Variants in GATB observed in about 807,000 individuals in gnomAD.
The protein encoded by GATB is glutamyl-tRNA(Gln) amidotransferase subunit B, mitochondrial.
GATB carries 39 observed loss-of-function variants against 62.3 expected under a neutral mutation model. The observed-to-expected ratio is 0.63, with a 90% CI of 0.48 to 0.82. The LOEUF is 0.82. Ranked by LOEUF, GATB falls within the 40% of genes least tolerant of loss-of-function variation. The probability of loss-of-function intolerance (pLI) is 0.00; values close to 1 mark genes in which losing one functional copy is unlikely to be tolerated. For synonymous variants in GATB, 276 were observed against 258.9 expected (o/e 1.07, Z -0.63); for missense variants, 670 against 684.0 (o/e 0.98, Z 0.23).
chr4:151,705,754 A>G (rs1336820502), intron 6 of GATB, among the ~76,000 whole-genome samples: 1 of 152,232 alleles, frequency 6.6e-6, no homozygotes, highest in Non-Finnish European at 1.5e-5. Context: ...AATGATTAAG[A>G]TCCAAGGACC....
intron 2 of GATB, among the ~76,000 whole-genome samples, chr4:151,726,504 T>C (rs1479273649): frequency 6.6e-6 from 1 of 152,196 alleles, no homozygotes; most frequent in Non-Finnish European, 1.5e-5. Flanking sequence ...ACCACATAAA[T>C]ATATATGTTC....
At chr4:151,702,260 T>C (rs1738621518) in intron 8 of GATB, among the ~76,000 whole-genome samples, 1 of 152,122 alleles carries the variant, frequency 6.6e-6, no homozygotes, top group African/African-American at 2.4e-5. Context: ...TAGCAGCATT[T>C]ACATAAATAA....
intron 10 of GATB, 104 bp from the exon 11 acceptor site, chr4:151,679,995 C>G (rs1195008103): frequency 4.4e-6 from 4 of 899,512 alleles, no homozygotes; most frequent in Non-Finnish European, 7.4e-6. Flanking sequence ...GGGTAAATAT[C>G]GGACCCACGC....
At chr4:151,699,763 A>T (rs1738561073) in intron 9 of GATB, among the ~76,000 whole-genome samples, 1 of 150,222 alleles carries the variant, frequency 6.7e-6, no homozygotes, top group Admixed American at 6.6e-5. Flanking sequence ...TCACTCTCTT[A>T]TGGAGACAGC....
In GATB at chr4:151,670,988, G is replaced by T; in HGVS notation, c.*186C>A. 1.5e-6 allele frequency: 1 copy of T among 660,870 alleles called. No individual in the cohort carries two copies. Among genetic ancestry groups the T allele is most frequent in the South Asian group, 2.2e-5 (1 of 45,564 alleles). The allele number at this position is 660,870 out of a possible 1,614,324, so 40.9% of individuals were successfully genotyped here. ...GCGGGGTGGCTGCTGGTCGGCTGTG[G>T]AGGCACCTCCAGGCACAGGGCCTAG... On this transcript the variant is annotated 3_prime_UTR_variant, in exon 13 of 13. Coordinates refer to ENST00000263985, the MANE Select transcript of GATB (RefSeq NM_004564.3).
rs1391916348 is a variant in GATB at position 151,708,033 on chromosome 4, C to T, written c.832G>A (p.Glu278Lys). 6.2e-7 allele frequency: 1 copy of T among 1,614,164 alleles called. No homozygotes were observed. Among genetic ancestry groups the T allele is most frequent in the South Asian group, 1.1e-5 (1 of 91,082 alleles). The stretch of plus-strand genomic sequence containing the variant: ...CTGATGCTGTTGAGATTCTTCACTT[C>T]CGTTCGAACGCCCAAAGGCTCCCCA... Reference protein sequence around the residue: ...HPGEPLGVRTEVKNLNSIRFL... With the variant: ...HPGEPLGVRTKVKNLNSIRFL... The change falls in exon 6 of 13, where the codon GAA (glutamate) becomes AAA (lysine). Residue 278 changes from glutamate (E) to lysine (K), a missense_variant. By Grantham distance (56) the Glu-to-Lys change is moderately conservative. Transcript: ENST00000263985.
chr4:151,679,953 G>T, intron 10 of GATB, 62 bp from the exon 11 acceptor site: 1 of 1,456,356 alleles, frequency 6.9e-7, no homozygotes, highest in Non-Finnish European at 9.6e-7. Flanking sequence ...TCCATGAATG[G>T]CTGTTCGGAA....
At chr4:151,748,174 A>T (rs960094041) in intron 2 of GATB, among the ~76,000 whole-genome samples, 1 of 152,230 alleles carries the variant, frequency 6.6e-6, no homozygotes, top group Non-Finnish European at 1.5e-5. Flanking sequence ...TTTAAAGTTC[A>T]TATGGAACCA....
chr4:151,677,894 CTT>C (rs1391707420), intron 11 of GATB: 4 of 152,064 alleles, frequency 2.6e-5, no homozygotes, highest in Non-Finnish European at 5.9e-5. Flanking sequence ...TACACCATAA[CTT>C]CAGTTTTTGA....
intron 11 of GATB, among the ~76,000 whole-genome samples, chr4:151,676,922 T>C (rs1738018608): frequency 6.6e-6 from 1 of 152,070 alleles, no homozygotes. Flanking sequence ...AGGAAGTGGG[T>C]GAGAGACAGG....
intron 10 of GATB, among the ~76,000 whole-genome samples, 195 bp downstream of exon 10, chr4:151,688,435 G>T (rs1295263991): frequency 1.3e-5 from 2 of 152,248 alleles, no homozygotes; most frequent in Admixed American, 6.5e-5. Context: ...CACAGTCACA[G>T]ATTTGAAGGA....
Position 151,701,393 on chromosome 4 carries a change from C to T in GATB, c.1133G>A (p.Ser378Asn), listed in dbSNP as rs201854084. 2.5e-6 allele frequency: 4 copies of T among 1,603,616 alleles called. No individual in the cohort carries two copies. The highest frequency in any genetic ancestry group is 2.2e-5 in the South Asian group (2 of 89,086). ...QIRETLPELP[S>N]VTREKLVQQY... ...TTGGACAAGCTTCTCTCGGGTCACA[C>T]TGGGGAGCTCCGGGAGTGTCTCCCG... Residue 378 changes from serine to asparagine, a missense_variant, in exon 9 of 13, where the codon AGT (serine) becomes AAT (asparagine). By Grantham distance (46) the Ser-to-Asn change is conservative. Coordinates refer to ENST00000263985, the MANE Select transcript of GATB (RefSeq NM_004564.3).
chr4:151,732,145 G>C (rs1739279687), intron 2 of GATB, among the ~76,000 whole-genome samples: 1 of 151,090 alleles, frequency 6.6e-6, no homozygotes, highest in African/African-American at 2.4e-5. Context: ...CAGGAGGTGG[G>C]GGGCGCCTCT....
At chr4:151,682,862 C>T (rs985624990) in intron 10 of GATB, among the ~76,000 whole-genome samples, 2 of 152,142 alleles carry the variant, frequency 1.3e-5, no homozygotes, top group Non-Finnish European at 2.9e-5. Context: ...TCACGGATTT[C>T]GCAGTGCCCC....
chr4:151,709,317 G>C (rs1465165907), intron 5 of GATB, among the ~76,000 whole-genome samples: 1 of 152,160 alleles, frequency 6.6e-6, no homozygotes, highest in East Asian at 1.9e-4. Flanking sequence ...AGAAAGGGAA[G>C]GGCTCGCCCA....
At chr4:151,742,709 G>T (rs919212525) in intron 2 of GATB, among the ~76,000 whole-genome samples, 6 of 152,116 alleles carry the variant, frequency 3.9e-5, no homozygotes, top group African/African-American at 1.4e-4. Context: ...GGAGCATCAG[G>T]CAAAAGCCAA....
At position 151,701,537 on chromosome 4, in the gene GATB, C is replaced by T. The variant is rs370882253; in HGVS notation, c.1008-19G>A. On this transcript the variant is annotated intron_variant, in intron 8 of 12. Transcript: ENST00000263985. ...CATGAACCTGGGCAGACAGAGGAGA[C>T]GGGACCTGAATCTGGAGTACTTGGA... is the stretch of plus-strand genomic sequence containing the variant. The T allele has an allele frequency of 2.8e-5, 40 of 1,438,474 alleles. No homozygotes were observed. The highest frequency in any genetic ancestry group is 7.3e-5 in the Admixed American group (3 of 41,084). The allele number at this position is 1,438,474 out of a possible 1,614,324, so 89.1% of individuals were successfully genotyped here.
intron 2 of GATB, among the ~76,000 whole-genome samples, chr4:151,754,488 C>A (rs1739784681): frequency 6.6e-6 from 1 of 152,102 alleles, no homozygotes; most frequent in African/African-American, 2.4e-5. Context: ...TATCTATCGT[C>A]TACCAAGTTC....
chr4:151,709,834 C>T (rs1738782710), intron 5 of GATB, among the ~76,000 whole-genome samples: 1 of 152,164 alleles, frequency 6.6e-6, no homozygotes, highest in Non-Finnish European at 1.5e-5. Context: ...ACAGCTCCTA[C>T]CGGATTATCT....
Sources: allele counts gnomAD v4.1 joint callset (sites outside exome capture counted in the v4.1 genomes callset), GRCh38; gene constraint gnomAD v4.1.1; transcripts MANE v1.5; gene names NCBI Gene and HGNC (gene_info 2026-07-23, HGNC 2026-07-21).